Variants in PIAS1 observed in about 807,000 individuals in gnomAD.
PIAS1 encodes E3 SUMO-protein ligase PIAS1.
A neutral mutation model predicts 71.3 loss-of-function variants in PIAS1; 6 were observed. That is an observed-to-expected ratio of 0.08 (90% CI 0.05 to 0.17). The LOEUF is 0.17. Among genes scored for constraint, PIAS1 ranks in the 10% least tolerant of loss-of-function variants. The pLI, the probability that PIAS1 is intolerant of heterozygous loss-of-function variation, is 1.00. For synonymous variants in PIAS1, 303 were observed against 292.9 expected, an observed-to-expected ratio of 1.03 and a Z score of -0.35; for missense variants, 555 against 793.6, an observed-to-expected ratio of 0.70 and a Z score of 3.61.
At position 68,170,971 on chromosome 15, in the gene PIAS1, A is replaced by AT. The variant is rs575349653; in HGVS notation, c.1009-2753dup. Among the ~76,000 whole-genome samples the AT allele has an allele frequency of 6.7e-3, 1,021 of 151,756 alleles. 6 individuals carry two copies. Among genetic ancestry groups the AT allele is most frequent in the Non-Finnish European group, 9.9e-3 (670 of 67,884 alleles). On this transcript the variant is annotated intron_variant, in intron 8 of 13. Coordinates refer to ENST00000249636, the MANE Select transcript of PIAS1 (RefSeq NM_016166.3). ...AACTTTTTTATTTTATAAGCTTTTT[A>AT]TTTTTTTTAACTTTTGACTCTTGTA...
intron 2 of PIAS1, among the ~76,000 whole-genome samples, chr15:68,107,949 A>G (rs1436577924): frequency 6.6e-6 from 1 of 152,240 alleles, no homozygotes; most frequent in Non-Finnish European, 1.5e-5. Flanking sequence ...ATCTTGTACA[A>G]GAAAACTACT....
Position 68,185,358 on chromosome 15 carries a change from A to T in PIAS1, c.1662+1691A>T, listed in dbSNP as rs1203400279. ...TGTGAATGACATCTAGAAGACACTG[A>T]AGAAGTTTGTTCATGACTTCAAAGA... On this transcript the variant is annotated intron_variant, in intron 13 of 13. Coordinates refer to ENST00000249636, the MANE Select transcript of PIAS1 (RefSeq NM_016166.3). This position sits in a 1 kb window ranked among gnomAD's most constrained non-coding sequence, Gnocchi z 4.4. Among the ~76,000 whole-genome samples the T allele has an allele frequency of 2.6e-5, 4 of 152,236 alleles. No homozygotes were observed. Among genetic ancestry groups the T allele is most frequent in the South Asian group, 4.1e-4 (2 of 4,830 alleles).
intron 11 of PIAS1, among the ~76,000 whole-genome samples, chr15:68,179,004 TTCTC>T (rs749599273): frequency 3.7e-4 from 57 of 152,076 alleles, no homozygotes; most frequent in African/African-American, 5.5e-4. Context: ...TGCCAGACAT[TTCTC>T]TCTCTATTTG....
Position 68,054,548 on chromosome 15 carries a change from G to C in PIAS1, c.24+198G>C, listed in dbSNP as rs1008404652. The C allele has an allele frequency of 1.2e-5, 6 of 513,466 alleles. No homozygotes were observed. The highest frequency in any genetic ancestry group is 3.5e-5 in the East Asian group (1 of 28,730). 31.8% of individuals were successfully genotyped at this position (513,466 alleles called of 1,614,324 possible). A position where few individuals can be genotyped will look rare whatever the true frequency, so the allele number is the denominator to read the frequency against. On this transcript the variant is annotated intron_variant, in intron 1 of 13. Coordinates refer to ENST00000249636, the MANE Select transcript of PIAS1 (RefSeq NM_016166.3). This position sits in a 1 kb window ranked among gnomAD's most constrained non-coding sequence, Gnocchi z 4.6. ...GCCGCGGGCCCCGGGTGCCTCGGGGGCGCTGACGGGTCGTCCCCGGCGTGT... is the reference window on the plus strand; with the variant it reads ...GCCGCGGGCCCCGGGTGCCTCGGGGCCGCTGACGGGTCGTCCCCGGCGTGT...
chr15:68,127,511 C>T (rs1227904561), intron 2 of PIAS1, among the ~76,000 whole-genome samples: 1 of 152,148 alleles, frequency 6.6e-6, no homozygotes, highest in Non-Finnish European at 1.5e-5. Flanking sequence ...GTTGAGGATG[C>T]GTTTTTCTTT....
chr15:68,182,230 TAATC>T (rs1301688565), intron 12 of PIAS1, among the ~76,000 whole-genome samples: 2 of 152,182 alleles, frequency 1.3e-5, no homozygotes, highest in African/African-American at 2.4e-5. Context: ...GAGTTCATAA[TAATC>T]ATTTATATTA....
chr15:68,062,430 T>C (rs2091969925), intron 1 of PIAS1, among the ~76,000 whole-genome samples: 1 of 152,224 alleles, frequency 6.6e-6, no homozygotes, highest in African/African-American at 2.4e-5. Context: ...GTTTTTGGTA[T>C]ATTCACAAAG....
At position 68,190,799 on chromosome 15, in the gene PIAS1, T is replaced by C. The variant is rs1247352172; in HGVS notation, c.*2964T>C. The C allele has an allele frequency of 1.3e-5, 2 of 152,188 alleles. No individual in the cohort carries two copies. The highest frequency in any genetic ancestry group is 6.6e-5 in the Admixed American group (1 of 15,264). The allele number at this position is 152,188 out of a possible 1,614,324, so 9.4% of individuals were successfully genotyped here. On this transcript the variant is annotated 3_prime_UTR_variant, in exon 14 of 14. Coordinates refer to ENST00000249636, the MANE Select transcript of PIAS1 (RefSeq NM_016166.3). The surrounding 1 kb of genome is among the most constrained non-coding windows in gnomAD (Gnocchi z 4.7). ...GAACCAGAACCATGCCATACTTGGT[T>C]GACTATTTTGAGCATTAAAATTGCT...
At chr15:68,180,523 CTTGTT>C (rs1000068296) in intron 11 of PIAS1, among the ~76,000 whole-genome samples, 3 of 149,868 alleles carry the variant, frequency 2.0e-5, no homozygotes, top group African/African-American at 7.3e-5. Flanking sequence ...AGTCCTAATT[CTTGTT>C]TTATGTTTTC....
intron 1 of PIAS1, among the ~76,000 whole-genome samples, chr15:68,071,116 T>A (rs1334491464): frequency 6.6e-6 from 1 of 151,552 alleles, no homozygotes; most frequent in Non-Finnish European, 1.5e-5. Context: ...GGAGAGGGAG[T>A]GGACATTGAG....
intron 7 of PIAS1, among the ~76,000 whole-genome samples, chr15:68,159,624 C>T (rs1426114880): frequency 2.0e-5 from 3 of 152,100 alleles, no homozygotes; most frequent in Admixed American, 6.6e-5. Context: ...TGAAGTTCAT[C>T]CATGTAGTTT....
chr15:68,175,968 A>G (rs2093017933), intron 10 of PIAS1, among the ~76,000 whole-genome samples: 1 of 152,210 alleles, frequency 6.6e-6, no homozygotes, highest in African/African-American at 2.4e-5. Flanking sequence ...AAATTTACTG[A>G]TATAAGATTT....
At chr15:68,138,569 G>A (rs548280594) in intron 2 of PIAS1, among the ~76,000 whole-genome samples, 1 of 152,282 alleles carries the variant, frequency 6.6e-6, no homozygotes, top group South Asian at 2.1e-4. Context: ...CTGCCTCCCA[G>A]GTTCAAACTA....
intron 2 of PIAS1, among the ~76,000 whole-genome samples, chr15:68,116,768 T>C (rs1000416747): frequency 2.0e-5 from 3 of 152,148 alleles, no homozygotes; most frequent in Non-Finnish European, 4.4e-5. Context: ...ACTTGTGATA[T>C]TTTTTGTTTT....
Position 68,171,632 on chromosome 15 carries a change from T to C in PIAS1, c.1009-2100T>C, listed in dbSNP as rs1437027691. ...AGTAAGTTTATAGCATGTTCAGTGT[T>C]CTATTTTTATTCATCATGGCTACAT... On this transcript the variant is annotated intron_variant, in intron 8 of 13. Transcript: ENST00000249636. This position sits in a 1 kb window ranked among gnomAD's most constrained non-coding sequence, Gnocchi z 4.4. Among the ~76,000 whole-genome samples the C allele has an allele frequency of 6.6e-6, 1 of 152,232 alleles. No homozygotes were observed. The highest frequency in any genetic ancestry group is 1.5e-5 in the Non-Finnish European group (1 of 68,038).
chr15:68,144,098 GA>G (rs1428635364), intron 4 of PIAS1, among the ~76,000 whole-genome samples: 1 of 144,792 alleles, frequency 6.9e-6, no homozygotes, highest in Non-Finnish European at 1.5e-5. Context: ...TATTTTAATT[GA>G]AATGTATCTC....
intron 2 of PIAS1, among the ~76,000 whole-genome samples, chr15:68,138,017 A>G (rs1044483101): frequency 1.3e-5 from 2 of 152,066 alleles, no homozygotes; most frequent in African/African-American, 4.8e-5. Context: ...GCATGGTGGC[A>G]CCCACTATTG....
Position 68,178,401 on chromosome 15 carries a change from A to G in PIAS1, c.1481+1747A>G, listed in dbSNP as rs1336461804. Among the ~76,000 whole-genome samples, 1 of 152,238 alleles carries G rather than the reference A, an allele frequency of 6.6e-6. No individual in the cohort carries two copies. Among genetic ancestry groups the G allele is most frequent in the African/African-American group, 2.4e-5 (1 of 41,460 alleles). On this transcript the variant is annotated intron_variant, in intron 11 of 13. Coordinates refer to ENST00000249636, the MANE Select transcript of PIAS1 (RefSeq NM_016166.3). The surrounding 1 kb of genome is among the most constrained non-coding windows in gnomAD (Gnocchi z 4.2). ...TCATTCTAAACAAAGTGAATAATTT[A>G]AGCACAAATCCTACTGTTATGAACA...
intron 1 of PIAS1, among the ~76,000 whole-genome samples, chr15:68,066,948 A>G (rs547577668): frequency 6.6e-6 from 1 of 152,204 alleles, no homozygotes; most frequent in South Asian, 2.1e-4. Context: ...TGGTCTGTCC[A>G]TTTTTTCCCG....
Sources: gnomAD v4.1 joint callset for allele counts (sites outside exome capture counted in the v4.1 genomes callset) on GRCh38, gnomAD v4.1.1 for gene constraint, Gnocchi (gnomAD v3.1) non-coding constraint, MANE v1.5 for transcripts, NCBI Gene and HGNC (gene_info 2026-07-23, HGNC 2026-07-21) for gene names.